The following PMS2 variants were observed in gnomAD, a reference collection of about 807,000 sequenced individuals.
The protein encoded by PMS2 is mismatch repair endonuclease PMS2.
A neutral mutation model predicts 90.0 loss-of-function variants in PMS2; 69 were observed. That is an observed-to-expected ratio of 0.77 (90% CI 0.63 to 0.94). PMS2 has a LOEUF of 0.94. Among genes scored for constraint, PMS2 ranks in the 40% least tolerant of loss-of-function variants. The probability of loss-of-function intolerance (pLI) is 0.00; values close to 1 mark genes in which losing one functional copy is unlikely to be tolerated. For synonymous variants in PMS2, 332 were observed against 375.1 expected (o/e 0.89, Z 1.33); for missense variants, 966 against 1,040.2 (o/e 0.93, Z 0.98).
At chr7:5,985,680 A>G (rs887036144) in intron 11 of PMS2, among the ~76,000 whole-genome samples, 5 of 150,416 alleles carry the variant, frequency 3.3e-5, no homozygotes, top group African/African-American at 9.8e-5. Context: ...CAGCCTCCCA[A>G]GTAGCTGGGA....
rs1060503127 is a variant in PMS2, at chr7:5,987,231, C to A, written c.1534G>T (p.Gly512Cys). The A allele has an allele frequency of 1.2e-6, 2 of 1,614,086 alleles. No homozygotes were observed. The highest frequency in any genetic ancestry group is 1.7e-6 in the Non-Finnish European group (2 of 1,180,020). ...DSEGFSIPDT[G>C]SHCSSEYAAS... The stretch of plus-strand genomic sequence containing the variant: ...GCATACTCGCTGCTGCAGTGACTGC[C>A]CGTGTCTGGGATGCTGAACCCCTCA... The change falls in exon 11 of 15, where the codon GGC (glycine) becomes TGC (cysteine). Residue 512 changes from glycine to cysteine, a missense_variant. Physicochemically the swap from Gly to Cys is radical, Grantham distance 159. This residue lies in a region of PMS2 where 871 missense variants were observed against 802.4 expected (regional missense o/e 1.09). Transcript: ENST00000265849.
rs185213582 is a variant in PMS2, at chr7:5,988,579, T to C, written c.1145-959A>G. Among the ~76,000 whole-genome samples, 6 of 152,076 alleles carry C rather than the reference T, an allele frequency of 3.9e-5. 1 individual carries two copies. The highest frequency in any genetic ancestry group is 7.4e-5 in the Non-Finnish European group (5 of 67,984). Reference sequence around the variant, plus strand: ...CTCCCTCTCAAAAAAAAGAAAGAAGTGCCTATCTATGCTCGTCAAAAAGAC... The same window carrying C: ...CTCCCTCTCAAAAAAAAGAAAGAAGCGCCTATCTATGCTCGTCAAAAAGAC... On this transcript the variant is annotated intron_variant, in intron 10 of 14. Coordinates refer to ENST00000265849, the MANE Select transcript of PMS2 (RefSeq NM_000535.7).
At position 6,005,925 on chromosome 7, in the gene PMS2, C is replaced by G. The variant is rs786202669; in HGVS notation, c.130G>C (p.Glu44Gln). Residue 44 changes from glutamate to glutamine, a missense_variant, in exon 2 of 15, where the codon GAA becomes CAA. Glu to Gln is a conservative substitution (Grantham distance 29). This residue lies in a region of PMS2 where 871 missense variants were observed against 802.4 expected (regional missense o/e 1.09). Coordinates refer to ENST00000265849, the MANE Select transcript of PMS2 (RefSeq NM_000535.7). ...SLSTAVKELV[E>Q]NSLDAGATNI... The stretch of plus-strand genomic sequence containing the variant: ...GTGGCACCAGCATCCAGACTGTTTT[C>G]TACTAACTCCTTTACCGCAGTGCTT... 2 of 1,610,766 alleles carry G rather than the reference C, an allele frequency of 1.2e-6. No individual in the cohort carries two copies. The highest frequency in any genetic ancestry group is 1.7e-6 in the Non-Finnish European group (2 of 1,179,864).
At chr7:5,997,720 T>A (rs1317505634) in intron 6 of PMS2, among the ~76,000 whole-genome samples, 1 of 152,044 alleles carries the variant, frequency 6.6e-6, no homozygotes, top group Non-Finnish European at 1.5e-5. Flanking sequence ...GGCTAATTTT[T>A]TAATTTTTTT....
chr7:6,000,635 AC>A (rs1784989146), intron 5 of PMS2, among the ~76,000 whole-genome samples: 1 of 152,150 alleles, frequency 6.6e-6, no homozygotes, highest in Non-Finnish European at 1.5e-5. Context: ...ACCATAAGAT[AC>A]AAAAAAAGAG....
intron 8 of PMS2, among the ~76,000 whole-genome samples, chr7:5,992,522 G>A (rs143928336): frequency 0.025 from 3,824 of 152,110 alleles, 141 homozygotes; most frequent in African/African-American, 0.086. Context: ...GTTTCACCAT[G>A]TTGGCCAGGC....
chr7:5,979,201 C>CA (rs60152367), intron 12 of PMS2, among the ~76,000 whole-genome samples: 21,162 of 49,022 alleles, frequency 0.43, 3,293 homozygotes, highest in African/African-American at 0.48. Context: ...GACTCTGTCT[C>CA]AAAAAAAAAA....
intron 1 of PMS2, 31 bp downstream of exon 1, chr7:6,008,966 G>T (rs371201653): frequency 1.2e-6 from 2 of 1,612,272 alleles, no homozygotes; most frequent in Non-Finnish European, 1.7e-6. Flanking sequence ...CGCGCGAGAG[G>T]GGACACCGGA....
At chr7:5,991,483 A>G (rs1783721946) in intron 9 of PMS2, among the ~76,000 whole-genome samples, 1 of 151,494 alleles carries the variant, frequency 6.6e-6, no homozygotes, top group Non-Finnish European at 1.5e-5. Context: ...AAAAAATTAC[A>G]TTTTCCTAAC....
intron 6 of PMS2, among the ~76,000 whole-genome samples, chr7:5,998,693 CAA>C (rs1170781204): frequency 3.9e-5 from 4 of 101,450 alleles, no homozygotes; most frequent in Admixed American, 1.1e-4. Context: ...GACTCCAGCT[CAA>C]AAAAAAAAAA....
intron 5 of PMS2, among the ~76,000 whole-genome samples, chr7:6,000,740 C>T (rs1784998754): frequency 1.3e-5 from 2 of 152,110 alleles, no homozygotes; most frequent in South Asian, 4.1e-4. Flanking sequence ...CCTGTAATCC[C>T]AGCACTTTGG....
intron 8 of PMS2, among the ~76,000 whole-genome samples, chr7:5,992,838 C>G (rs910035956): frequency 6.6e-6 from 1 of 152,142 alleles, no homozygotes; most frequent in African/African-American, 2.4e-5. Context: ...GAATATTTTT[C>G]CAACTTAAAG....
At chr7:5,995,087 G>A (rs1475175116) in intron 8 of PMS2, among the ~76,000 whole-genome samples, 1 of 152,042 alleles carries the variant, frequency 6.6e-6, no homozygotes, top group Non-Finnish European at 1.5e-5. Context: ...ACCCAGGCTG[G>A]AGTGCAGTGG....
chr7:5,992,106 G>T, intron 8 of PMS2, 49 bp from the exon 9 acceptor site: 1 of 958,722 alleles, frequency 1.0e-6, no homozygotes. Flanking sequence ...AATGTTCCCA[G>T]CCCCCCGCAT....
At chr7:6,002,418 C>G in intron 5 of PMS2, 35 bp downstream of exon 5, 1 of 1,373,320 alleles carries the variant, frequency 7.3e-7, no homozygotes, top group Non-Finnish European at 1.0e-6. Flanking sequence ...GTGCATTAAC[C>G]AATACTCTTG....
chr7:5,990,690 T>G (rs1783639491), intron 9 of PMS2, among the ~76,000 whole-genome samples: 1 of 152,112 alleles, frequency 6.6e-6, no homozygotes, highest in Non-Finnish European at 1.5e-5. Flanking sequence ...ACCCAGTAAT[T>G]CTACTCCCGG....
At chr7:6,005,029 T>G (rs1001475594) in intron 2 of PMS2, among the ~76,000 whole-genome samples, 28 of 149,908 alleles carry the variant, frequency 1.9e-4, no homozygotes, top group African/African-American at 6.4e-4. Context: ...TTCAGCGTCC[T>G]GAGGAGCTGA....
chr7:6,007,122 T>C (rs1218651287), intron 1 of PMS2, among the ~76,000 whole-genome samples: 1 of 151,532 alleles, frequency 6.6e-6, no homozygotes, highest in Non-Finnish European at 1.5e-5. Context: ...ATTGTTATTA[T>C]TGTTATTATT....
At position 5,978,660 on chromosome 7, in the gene PMS2, A is replaced by C; in HGVS notation, c.2211T>G (p.Ala737=). The C allele has an allele frequency of 6.2e-7, 1 of 1,602,984 alleles. No homozygotes were observed. Among genetic ancestry groups the C allele is most frequent in the Non-Finnish European group, 8.5e-7 (1 of 1,172,478 alleles). The change falls in exon 13 of 15, where the codon GCT becomes GCG. Residue 737 remains alanine, a synonymous_variant. Transcript: ENST00000265849. Reference sequence around the variant, plus strand: ...ATATTTCCAGATTTTCTATCAGAACAGCTTCATTAACAGCAGTTAAGTTGA... The same window carrying C: ...ATATTTCCAGATTTTCTATCAGAACCGCTTCATTAACAGCAGTTAAGTTGA... ...QTLNLTAVNE[A]VLIENLEIFR...
Sources: allele counts gnomAD v4.1 joint callset (sites outside exome capture counted in the v4.1 genomes callset), GRCh38; gene constraint gnomAD v4.1.1; regional missense constraint gnomAD v4.1.1; transcripts MANE v1.5; gene names NCBI Gene and HGNC (gene_info 2026-07-23, HGNC 2026-07-21).